The following ACBD6 variants were observed in gnomAD, a reference collection of about 807,000 sequenced individuals.
The protein encoded by ACBD6 is acyl-CoA-binding domain-containing protein 6.
Under a neutral mutation model 37.2 loss-of-function variants are expected in ACBD6, and 28 were observed. The observed-to-expected ratio is 0.75, with a 90% CI of 0.56 to 1.03. The LOEUF is 1.03. Ranked by LOEUF, ACBD6 falls within the 50% of genes least tolerant of loss-of-function variation. ACBD6 has a pLI of 0.00. For synonymous variants in ACBD6, 113 were observed against 126.8 expected (o/e 0.89, Z 0.73); for missense variants, 340 against 337.4 (o/e 1.01, Z -0.06).
intron 3 of ACBD6, among the ~76,000 whole-genome samples, chr1:180,431,207 A>C (rs182736880): frequency 2.0e-5 from 3 of 152,182 alleles, no homozygotes; most frequent in Admixed American, 6.5e-5. Context: ...GGGCTGAGGA[A>C]AAAGACCCCC....
chr1:180,355,993 G>A (rs143540849), intron 6 of ACBD6, among the ~76,000 whole-genome samples: 3,005 of 150,382 alleles, frequency 0.02, 41 homozygotes, highest in Middle Eastern at 0.038. Flanking sequence ...TCAGCCTCCC[G>A]AGTAGCTGGG....
At chr1:180,329,501 TGATA>T (rs1651393987) in intron 6 of ACBD6, among the ~76,000 whole-genome samples, 1 of 152,224 alleles carries the variant, frequency 6.6e-6, no homozygotes, top group Non-Finnish European at 1.5e-5. Context: ...TGTCTCTGAC[TGATA>T]GTCTGGGAAT....
chr1:180,462,736 A>C (rs1303412381), intron 3 of ACBD6, among the ~76,000 whole-genome samples: 1 of 152,212 alleles, frequency 6.6e-6, no homozygotes, highest in Non-Finnish European at 1.5e-5. Context: ...TGGACCTGAT[A>C]AGTATCTACA....
chr1:180,358,657 G>A (rs1396885308), intron 6 of ACBD6, among the ~76,000 whole-genome samples: 1 of 152,040 alleles, frequency 6.6e-6, no homozygotes, highest in East Asian at 1.9e-4. Flanking sequence ...ATGGAAACCA[G>A]GTTAAAGATG....
chr1:180,411,984 T>C (rs553153385), intron 5 of ACBD6, among the ~76,000 whole-genome samples: 1 of 152,110 alleles, frequency 6.6e-6, no homozygotes, highest in African/African-American at 2.4e-5. Context: ...AACACAACTT[T>C]TATGTGCACT....
At chr1:180,408,608 T>A (rs1457365604) in intron 5 of ACBD6, among the ~76,000 whole-genome samples, 1 of 152,040 alleles carries the variant, frequency 6.6e-6, no homozygotes. Flanking sequence ...GCATGGCACA[T>A]GTATACATAT....
chr1:180,492,230 A>C, intron 3 of ACBD6, 39 bp downstream of exon 3: 1 of 1,461,818 alleles, frequency 6.8e-7, no homozygotes, highest in Non-Finnish European at 9.6e-7. Context: ...AAGGATCATA[A>C]GTTTTTGGAA....
At chr1:180,287,290 A>T (rs951140164), downstream of ACBD6, 1 of 151,840 alleles carries the variant, frequency 6.6e-6, no homozygotes, top group Admixed American at 6.6e-5. Flanking sequence ...AGTCCCAGCT[A>T]TCTCAGCTAC....
intron 3 of ACBD6, among the ~76,000 whole-genome samples, chr1:180,454,756 A>C (rs1649850192): frequency 6.6e-6 from 1 of 152,226 alleles, no homozygotes; most frequent in Non-Finnish European, 1.5e-5. Context: ...GCAGCCAACA[A>C]ACATATGAAA....
chr1:180,502,298 G>T lies in ACBD6; in HGVS notation c.-32C>A, dbSNP rs572140919. ...TTGCTCGCTCCGTCCCTCTGTGTCCGGTCTGTCCTCCTTGGATTGGGTGTA... is the reference window on the plus strand; with the variant it reads ...TTGCTCGCTCCGTCCCTCTGTGTCCTGTCTGTCCTCCTTGGATTGGGTGTA... On this transcript the variant is annotated 5_prime_UTR_variant, in exon 1 of 8. Coordinates refer to ENST00000367595, the MANE Select transcript of ACBD6 (RefSeq NM_032360.4). The T allele has an allele frequency of 4.4e-6, 7 of 1,608,870 alleles. No homozygotes were observed. In the South Asian group the frequency reaches 7.7e-5, roughly 18 times the overall value.
At position 180,385,039 on chromosome 1, in the gene ACBD6, C is replaced by T. The variant is rs572037276; in HGVS notation, c.663+12477G>A. ...GAGGTAGTGATGAAAAGAGTTTGAT[C>T]AATAGGTATAAACATACAGTTAGAT... is the stretch of plus-strand genomic sequence containing the variant. On this transcript the variant is annotated intron_variant, in intron 6 of 7. Coordinates refer to ENST00000367595, the MANE Select transcript of ACBD6 (RefSeq NM_032360.4). Among the ~76,000 whole-genome samples, 4 of 152,102 alleles carry T rather than the reference C, an allele frequency of 2.6e-5. No individual in the cohort carries two copies. In the South Asian group the frequency reaches 8.3e-4, roughly 32 times the overall value.
intron 1 of ACBD6, among the ~76,000 whole-genome samples, chr1:180,495,840 AAT>A (rs1161981243): frequency 2.0e-5 from 3 of 152,218 alleles, no homozygotes; most frequent in African/African-American, 7.2e-5. Flanking sequence ...ATATAGATTA[AAT>A]ACTCTTTATT....
intron 7 of ACBD6, among the ~76,000 whole-genome samples, chr1:180,297,081 T>A (rs1314631565): frequency 6.6e-6 from 1 of 152,238 alleles, no homozygotes; most frequent in East Asian, 2.0e-4. Context: ...CAGGGGTTTG[T>A]TTTAAATGAT....
chr1:180,447,926 A>G (rs992238058), intron 3 of ACBD6, among the ~76,000 whole-genome samples: 1 of 152,174 alleles, frequency 6.6e-6, no homozygotes, highest in African/African-American at 2.4e-5. Context: ...TTAAGACCCA[A>G]TGGATAAACA....
intron 3 of ACBD6, among the ~76,000 whole-genome samples, chr1:180,457,755 T>C (rs1362105168): frequency 6.6e-6 from 1 of 151,746 alleles, no homozygotes; most frequent in Non-Finnish European, 1.5e-5. Flanking sequence ...ACTAAATGCA[T>C]TATTCCAAAA....
intron 6 of ACBD6, among the ~76,000 whole-genome samples, chr1:180,325,739 G>T (rs1034465936): frequency 6.6e-6 from 1 of 152,116 alleles, no homozygotes; most frequent in Non-Finnish European, 1.5e-5. Flanking sequence ...AAGAGAATTG[G>T]GTCCCAAGCC....
intron 6 of ACBD6, among the ~76,000 whole-genome samples, chr1:180,362,663 C>T (rs1340680802): frequency 6.6e-6 from 1 of 152,150 alleles, no homozygotes; most frequent in Non-Finnish European, 1.5e-5. Context: ...GCAATGACAA[C>T]TCAGAAGCTC....
At chr1:180,417,555 A>G (rs560556915) in intron 4 of ACBD6, among the ~76,000 whole-genome samples, 10 of 152,308 alleles carry the variant, frequency 6.6e-5, no homozygotes, top group Middle Eastern at 3.4e-3. Context: ...TGGACTCCTC[A>G]ATTCTCAGAA....
At chr1:180,320,688 G>T (rs753024039) in intron 6 of ACBD6, among the ~76,000 whole-genome samples, 51 of 151,886 alleles carry the variant, frequency 3.4e-4, no homozygotes, top group Admixed American at 1.2e-3. Context: ...AGATTATTAG[G>T]TTTTTTTTGC....
Sources: gnomAD v4.1 joint callset for allele counts (sites outside exome capture counted in the v4.1 genomes callset) on GRCh38, gnomAD v4.1.1 for gene constraint, MANE v1.5 for transcripts, NCBI Gene and HGNC (gene_info 2026-07-23, HGNC 2026-07-21) for gene names.